The following SCRIB variants were observed in gnomAD, a reference collection of about 807,000 sequenced individuals.
The protein encoded by SCRIB is protein scribble homolog.
Under a neutral mutation model 170.0 loss-of-function variants are expected in SCRIB, and 72 were observed. The observed-to-expected ratio is 0.42, with a 90% CI of 0.35 to 0.52. SCRIB has a LOEUF of 0.52. Among genes scored for constraint, SCRIB ranks in the 20% least tolerant of loss-of-function variants. SCRIB has a pLI of 0.02. For missense variants in SCRIB, 2,475 were observed against 2,338.5 expected, an observed-to-expected ratio of 1.06 and a Z score of -1.20; for synonymous variants, 1,298 against 1,044.3, an observed-to-expected ratio of 1.24 and a Z score of -4.68.
chr8:143,812,417 G>A (rs1200614418), intron 8 of SCRIB, 33 bp from the exon 9 acceptor site: 1 of 1,514,098 alleles, frequency 6.6e-7, no homozygotes, highest in Middle Eastern at 1.7e-4. Context: ...ACAAGGCTGA[G>A]CATGGTCCCC....
At chr8:143,793,596 AG>A in intron 28 of SCRIB, 1 of 391,948 alleles carries the variant, frequency 2.6e-6, no homozygotes, top group African/African-American at 2.0e-5. Context: ...AAAGGCAGGC[AG>A]GGATAAGGTG....
Position 143,815,346 on chromosome 8 carries a change from G to C in SCRIB, c.27C>G (p.Arg9=). The change falls in exon 1 of 37, where the codon CGC becomes CGG. Residue 9 remains arginine (R), a synonymous_variant. Coordinates refer to ENST00000356994, the MANE Select transcript of SCRIB (RefSeq NM_182706.5). MLKCIPLW[R]CNRHVESVDK... is the part of the protein sequence containing the mutation. ...CCACCGACTCCACGTGCCGGTTGCAGCGCCACAGCGGGATGCACTTGAGCA... is the reference window on the plus strand; with the variant it reads ...CCACCGACTCCACGTGCCGGTTGCACCGCCACAGCGGGATGCACTTGAGCA... The C allele has an allele frequency of 6.5e-7, 1 of 1,549,266 alleles. No individual in the cohort carries two copies. Among genetic ancestry groups the C allele is most frequent in the Non-Finnish European group, 8.7e-7 (1 of 1,148,528 alleles).
rs1815299715 is a variant in SCRIB at position 143,804,098 on chromosome 8, T to G, written c.3068A>C (p.Asp1023Ala). ...GACACCAAACGGGTGGCTGGAATGG[T>G]CGGAGCCTCCGACAATACTAAGCCC... ...PLGLSIVGGS[D>A]HSSHPFGVQE... Residue 1023 changes from aspartate to alanine, a missense_variant, in exon 22 of 37, where the codon GAC becomes GCC. Transcript: ENST00000356994. 6.2e-7 allele frequency: 1 copy of G among 1,612,804 alleles called. No homozygotes were observed. Among genetic ancestry groups the G allele is most frequent in the Non-Finnish European group, 8.5e-7 (1 of 1,179,462 alleles).
rs1244726185 is a variant in SCRIB, at chr8:143,809,772, C to T, written c.1531-54G>A. ...ACGGAGCTCCCGACTCACAGGCTGG[C>T]CACCTGGGATGCCCCCCACGTGGCA... On this transcript the variant is annotated intron_variant, in intron 13 of 36. Coordinates refer to ENST00000356994, the MANE Select transcript of SCRIB (RefSeq NM_182706.5). The T allele has an allele frequency of 1.9e-6, 3 of 1,578,022 alleles. No individual in the cohort carries two copies. In the East Asian group the frequency reaches 6.8e-5, roughly 36 times the overall value.
chr8:143,800,959 A>G (rs910838303), intron 24 of SCRIB, among the ~76,000 whole-genome samples: 3 of 28,578 alleles, frequency 1.0e-4, no homozygotes, highest in Non-Finnish European at 2.3e-4. Flanking sequence ...TTCGTAAGAG[A>G]AAACACATTG....
intron 16 of SCRIB, among the ~76,000 whole-genome samples, chr8:143,807,306 G>A (rs758895053): frequency 3.9e-5 from 6 of 152,326 alleles, no homozygotes; most frequent in South Asian, 2.1e-4. Context: ...CGCTGCCTCC[G>A]CAGGCAGGTA....
rs781798236 is a variant in SCRIB, at chr8:143,791,687, GGAA to G, written c.4746_4748del (p.Ser1583del). 1.2e-6 allele frequency: 2 copies of G among 1,605,078 alleles called. No individual in the cohort carries two copies. Among genetic ancestry groups the G allele is most frequent in the Admixed American group, 1.7e-5 (1 of 59,792 alleles). ...GTACCTGGATGTCATAGACAGGTCT[GGAA>G]GAAGGCAGGGCCGCAAAGGCCCTGT... On this transcript the variant is annotated inframe_deletion, in exon 35 of 37. Transcript: ENST00000356994.
rs1338756740 is a variant in SCRIB at position 143,803,921 on chromosome 8, G to A, written c.3140C>T (p.Ala1047Val). ...FISKVLPRGLAARSGLRVGDR... is the reference protein window; with the variant it reads ...FISKVLPRGLVARSGLRVGDR... ...CCCAACCCGCAGGCCGCTGCGAGCGGCCAGGCCCCGCGGGAGCACCTGTCA... is the reference window on the plus strand; with the variant it reads ...CCCAACCCGCAGGCCGCTGCGAGCGACCAGGCCCCGCGGGAGCACCTGTCA... The change falls in exon 23 of 37, where the codon GCC becomes GTC. Residue 1047 changes from alanine to valine, a missense_variant. Physicochemically the swap from Ala to Val is moderately conservative, Grantham distance 64 (BLOSUM62 0). Around this residue, in one of 3 missense-constraint regions of SCRIB, gnomAD observed 1,966 missense variants for 1,742.9 expected, o/e 1.13. Transcript: ENST00000356994. 5.7e-6 allele frequency: 9 copies of A among 1,584,836 alleles called. No individual in the cohort carries two copies. The highest frequency in any genetic ancestry group is 7.7e-6 in the Non-Finnish European group (9 of 1,164,702).
chr8:143,792,451 G>T, intron 31 of SCRIB, 34 bp downstream of exon 31: 1 of 1,513,832 alleles, frequency 6.6e-7, no homozygotes, highest in Non-Finnish European at 8.8e-7. Flanking sequence ...GGCACGTGGG[G>T]TGAGTAGGGG....
chr8:143,809,348 C>T (rs1332597569), intron 14 of SCRIB, among the ~76,000 whole-genome samples: 1 of 152,094 alleles, frequency 6.6e-6, no homozygotes, highest in Non-Finnish European at 1.5e-5. Context: ...ACCTTAACCC[C>T]ACCTAGGGAG....
Position 143,812,344 on chromosome 8 carries a change from A to G in SCRIB, c.828T>C (p.Asn276=). 1 of 1,613,770 alleles carries G rather than the reference A, an allele frequency of 6.2e-7. No homozygotes were observed. The highest frequency in any genetic ancestry group is 8.5e-7 in the Non-Finnish European group (1 of 1,179,802). ...TGGCCTCGGTCACCTCGCACAGCCGATTCTGGTCTACCTTTAGGATGGATA... is the reference window on the plus strand; with the variant it reads ...TGGCCTCGGTCACCTCGCACAGCCGGTTCTGGTCTACCTTTAGGATGGATA... The part of the protein sequence containing the change: ...KQLSILKVDQ[N]RLCEVTEAIG... Residue 276 remains asparagine, a synonymous_variant, in exon 9 of 37, where the codon AAT becomes AAC. Coordinates refer to ENST00000356994, the MANE Select transcript of SCRIB (RefSeq NM_182706.5).
intron 6 of SCRIB, 91 bp from the exon 7 acceptor site, chr8:143,813,195 C>T: frequency 6.3e-7 from 1 of 1,586,952 alleles, no homozygotes. Context: ...CACCCAGCTC[C>T]CACCCGCCTG....
rs1190631854 is a variant in SCRIB at position 143,791,865 on chromosome 8, C to CGGCT, written c.4695+7_4695+10dup. On this transcript the variant is annotated intron_variant, in intron 34 of 36. Transcript: ENST00000356994. ...GGGGGTGAAGGGAAGGCATAGCCAC[C>CGGCT]GGCTCCTCACCAGGCGTCCCGGGGA... 4 of 1,533,734 alleles carry CGGCT rather than the reference C, an allele frequency of 2.6e-6. No individual in the cohort carries two copies. In the South Asian group the frequency reaches 4.9e-5, roughly 19 times the overall value.
At chr8:143,800,356 C>T (rs1433586416) in intron 24 of SCRIB, among the ~76,000 whole-genome samples, 1 of 152,180 alleles carries the variant, frequency 6.6e-6, no homozygotes, top group Non-Finnish European at 1.5e-5. Flanking sequence ...CTACAGCAAA[C>T]GTCACAGTAC....
intron 17 of SCRIB, 116 bp from the exon 18 acceptor site, chr8:143,806,600 G>A: frequency 2.4e-6 from 2 of 824,732 alleles, no homozygotes; most frequent in South Asian, 1.6e-5. Flanking sequence ...GCCCTGGCCA[G>A]CAGGAGGACT....
chr8:143,802,304 G>A (rs1298494747), intron 24 of SCRIB, among the ~76,000 whole-genome samples: 1 of 152,254 alleles, frequency 6.6e-6, no homozygotes, highest in Non-Finnish European at 1.5e-5. Flanking sequence ...CCCCACGCTG[G>A]CTGTGGGTCA....
At chr8:143,814,379 A>C (rs1815923740) in intron 1 of SCRIB, among the ~76,000 whole-genome samples, 1 of 151,948 alleles carries the variant, frequency 6.6e-6, no homozygotes, top group South Asian at 2.1e-4. Flanking sequence ...GACCAGACAA[A>C]GCCCCAATCC....
In SCRIB at chr8:143,811,192, G is replaced by A. The variant is rs1298052043; in HGVS notation, c.1060C>T (p.Leu354=). 2.5e-6 allele frequency: 4 copies of A among 1,611,278 alleles called. No homozygotes were observed. Among genetic ancestry groups the A allele is most frequent in the South Asian group, 1.1e-5 (1 of 90,756 alleles). ...DNRLAVLPPE[L]AHTTELHVLD... is the part of the protein sequence containing the mutation. ...ACGTGCAGCTCTGTCGTGTGGGCCA[G>A]CTCTGGTGGCAGGACGGCCAGGCGG... The change falls in exon 10 of 37, where the codon CTG becomes TTG. Residue 354 remains leucine, a synonymous_variant. Coordinates refer to ENST00000356994, the MANE Select transcript of SCRIB (RefSeq NM_182706.5).
chr8:143,815,040 G>A (rs1586542152), intron 1 of SCRIB, 174 bp downstream of exon 1: 2 of 711,284 alleles, frequency 2.8e-6, no homozygotes, highest in East Asian at 3.4e-5. Context: ...TGCCACCTGC[G>A]CCAGCCAGGG....
Sources: gnomAD v4.1 joint callset for allele counts (sites outside exome capture counted in the v4.1 genomes callset) on GRCh38, gnomAD v4.1.1 for gene constraint, gnomAD v4.1.1 regional missense constraint, MANE v1.5 for transcripts, NCBI Gene and HGNC (gene_info 2026-07-23, HGNC 2026-07-21) for gene names.